Variants in SRGAP1 observed in about 807,000 individuals in gnomAD.
SRGAP1 encodes SLIT-ROBO Rho GTPase activating protein 1.
A neutral mutation model predicts 121.9 loss-of-function variants in SRGAP1; 43 were observed. That is an observed-to-expected ratio of 0.35 (90% CI 0.28 to 0.46). SRGAP1 has a LOEUF of 0.46. Among genes scored for constraint, SRGAP1 ranks in the 20% least tolerant of loss-of-function variants. SRGAP1 has a pLI of 1.00. For synonymous variants in SRGAP1, 447 were observed against 485.4 expected (o/e 0.92, Z 1.04); for missense variants, 1,102 against 1,350.9 (o/e 0.82, Z 2.89).
At chr12:64,058,218 G>A (rs756136118) in intron 6 of SRGAP1, among the ~76,000 whole-genome samples, 1 of 152,136 alleles carries the variant, frequency 6.6e-6, no homozygotes, top group Non-Finnish European at 1.5e-5. Context: ...TTATCTGGAC[G>A]TAACCCCACT....
At chr12:64,017,878 CTACTT>C (rs1352863288) in intron 4 of SRGAP1, among the ~76,000 whole-genome samples, 2 of 151,734 alleles carry the variant, frequency 1.3e-5, no homozygotes, top group African/African-American at 4.8e-5. Flanking sequence ...TAAATTAAAA[CTACTT>C]TATTAAAAAT....
At chr12:64,077,036 G>A (rs146791455) in intron 8 of SRGAP1, among the ~76,000 whole-genome samples, 413 of 152,228 alleles carry the variant, frequency 2.7e-3, no homozygotes, top group Non-Finnish European at 4.0e-3. Context: ...ACAAATTCAA[G>A]CAGTCCAAGA....
intron 4 of SRGAP1, among the ~76,000 whole-genome samples, chr12:64,027,612 T>A (rs1382906669): frequency 2.0e-5 from 3 of 151,754 alleles, no homozygotes; most frequent in African/African-American, 7.3e-5. Flanking sequence ...AGAGAGAAAA[T>A]CAGAAGTTGA....
At chr12:64,051,150 G>A (rs2035232147) in intron 6 of SRGAP1, among the ~76,000 whole-genome samples, 1 of 152,132 alleles carries the variant, frequency 6.6e-6, no homozygotes, top group East Asian at 1.9e-4. Context: ...ATTCTTGCAA[G>A]TTGAACTTTA....
At chr12:64,071,265 A>G (rs773975127) in intron 8 of SRGAP1, among the ~76,000 whole-genome samples, 6 of 152,212 alleles carry the variant, frequency 3.9e-5, no homozygotes, top group Non-Finnish European at 7.3e-5. Flanking sequence ...GGATGGGTAT[A>G]AAAATGAGTC....
intron 6 of SRGAP1, among the ~76,000 whole-genome samples, chr12:64,044,699 T>TTA (rs1463008430): frequency 7.2e-6 from 1 of 138,596 alleles, no homozygotes; most frequent in Admixed American, 7.3e-5. Flanking sequence ...TTTTTTTTTT[T>TTA]AAGACAGAGT....
chr12:64,042,225 T>C (rs940319775), intron 4 of SRGAP1, among the ~76,000 whole-genome samples: 2 of 152,074 alleles, frequency 1.3e-5, no homozygotes, highest in Non-Finnish European at 2.9e-5. Context: ...TGTTTTTGTT[T>C]GTTTGTTTTT....
chr12:63,856,584 T>C (rs1159015450), intron 1 of SRGAP1, among the ~76,000 whole-genome samples: 1 of 152,056 alleles, frequency 6.6e-6, no homozygotes, highest in African/African-American at 2.4e-5. Flanking sequence ...TGCTAGCTGC[T>C]TCTGTTTTGA....
intron 1 of SRGAP1, among the ~76,000 whole-genome samples, chr12:63,855,262 A>G (rs1042923051): frequency 2.6e-5 from 4 of 152,142 alleles, no homozygotes; most frequent in South Asian, 2.1e-4. Context: ...TAAGGAGCAC[A>G]TGTCCACGGT....
chr12:63,881,145 C>T lies in SRGAP1; in HGVS notation c.67+36262C>T, dbSNP rs983490604. 5.3e-5 allele frequency among the ~76,000 whole-genome samples: 8 copies of T among 152,170 alleles called. 2 individuals are homozygous for T. Among genetic ancestry groups the T allele is most frequent in the Admixed American group, 3.9e-4 (6 of 15,268 alleles). ...GTAGTTGAAATTCAATGGCATTGAG[C>T]TCTTGATATTATAGATAGTAATTTT... On this transcript the variant is annotated intron_variant, in intron 1 of 21. Coordinates refer to ENST00000355086, the MANE Select transcript of SRGAP1 (RefSeq NM_020762.4).
intron 1 of SRGAP1, among the ~76,000 whole-genome samples, chr12:63,864,474 A>G (rs1428843320): frequency 1.3e-5 from 2 of 152,182 alleles, no homozygotes; most frequent in African/African-American, 2.4e-5. Flanking sequence ...GCTAGGGTCT[A>G]AATCTCCCAG....
chr12:64,034,522 A>G (rs571019945), intron 4 of SRGAP1, among the ~76,000 whole-genome samples: 2 of 152,216 alleles, frequency 1.3e-5, no homozygotes, highest in Admixed American at 6.5e-5. Context: ...AGAAACAACA[A>G]TCCCTCCAAT....
At chr12:64,034,944 G>T (rs2034864718) in intron 4 of SRGAP1, among the ~76,000 whole-genome samples, 1 of 152,078 alleles carries the variant, frequency 6.6e-6, no homozygotes, top group Non-Finnish European at 1.5e-5. Flanking sequence ...TTGGCCCAGG[G>T]AGAGAAGGTG....
chr12:63,953,866 T>C (rs2032374637), intron 1 of SRGAP1, among the ~76,000 whole-genome samples: 1 of 152,224 alleles, frequency 6.6e-6, no homozygotes, highest in Non-Finnish European at 1.5e-5. Flanking sequence ...ACAGTGGAAA[T>C]ACATTTGGAG....
intron 6 of SRGAP1, among the ~76,000 whole-genome samples, chr12:64,049,681 G>C (rs2035201475): frequency 6.6e-6 from 1 of 152,182 alleles, no homozygotes; most frequent in African/African-American, 2.4e-5. Flanking sequence ...CGAGTTCACT[G>C]TAGATGTATG....
In SRGAP1 at chr12:63,919,207, A is replaced by G. The variant is rs201511952; in HGVS notation, c.68-64740A>G. Among the ~76,000 whole-genome samples, 4 of 151,992 alleles carry G rather than the reference A, an allele frequency of 2.6e-5. No individual in the cohort carries two copies. The East Asian group carries it at 7.8e-4, about 29-fold the overall frequency. On this transcript the variant is annotated intron_variant, in intron 1 of 21. Coordinates refer to ENST00000355086, the MANE Select transcript of SRGAP1 (RefSeq NM_020762.4). ...CTGGAAGCTGGGACTACAGGCACAC[A>G]CCACTATGCCTGGCTACTTTCTGTA... is the stretch of plus-strand genomic sequence containing the variant.
chr12:63,886,217 C>T (rs531292308), intron 1 of SRGAP1, among the ~76,000 whole-genome samples: 3 of 152,182 alleles, frequency 2.0e-5, no homozygotes, highest in South Asian at 2.1e-4. Flanking sequence ...TGTGCCACCA[C>T]GCCTGTCTAA....
intron 21 of SRGAP1, among the ~76,000 whole-genome samples, chr12:64,136,999 C>G (rs2136648600): frequency 6.6e-6 from 1 of 152,276 alleles, no homozygotes; most frequent in East Asian, 1.9e-4. Flanking sequence ...CACAGTGACT[C>G]ATGCCTGTAA....
Position 63,998,782 on chromosome 12 carries a change from C to T in SRGAP1, c.426+8710C>T, listed in dbSNP as rs190631996. On this transcript the variant is annotated intron_variant, in intron 3 of 21. Coordinates refer to ENST00000355086, the MANE Select transcript of SRGAP1 (RefSeq NM_020762.4). ...ACTTCCTTAGAGAGATAATTATGCA[C>T]ATACTTGCAGGAATAAGTATGAATA... 1.5e-3 allele frequency among the ~76,000 whole-genome samples: 223 copies of T among 152,282 alleles called. 3 individuals carry two copies. Among genetic ancestry groups the T allele is most frequent in the South Asian group, 0.01 (50 of 4,818 alleles).
Sources: allele counts gnomAD v4.1 joint callset (sites outside exome capture counted in the v4.1 genomes callset), GRCh38; gene constraint gnomAD v4.1.1; transcripts MANE v1.5; gene names NCBI Gene and HGNC (gene_info 2026-07-23, HGNC 2026-07-21).